Variants in FAM163B observed in about 807,000 individuals in gnomAD.
The protein encoded by FAM163B is family with sequence similarity 163 member B.
FAM163B carries 4 observed loss-of-function variants against 7.6 expected under a neutral mutation model. That is an observed-to-expected ratio of 0.52 (90% confidence interval 0.26 to 1.20). The LOEUF is 1.20. Among genes scored for constraint, FAM163B ranks in the 50% most tolerant of loss-of-function variants. FAM163B has a pLI of 0.14. For missense variants in FAM163B, 250 were observed against 243.0 expected (o/e 1.03, Z -0.19); for synonymous variants, 120 against 111.6 (o/e 1.07, Z -0.47).
At chr9:133,604,941 C>G (rs1831771815) in intron 1 of FAM163B, among the ~76,000 whole-genome samples, 1 of 152,244 alleles carries the variant, frequency 6.6e-6, no homozygotes, top group Admixed American at 6.5e-5. Flanking sequence ...CAGGGCCAGC[C>G]TGTTGCACAC....
intron 1 of FAM163B, among the ~76,000 whole-genome samples, chr9:133,602,079 G>A (rs1420970055): frequency 1.9e-5 from 2 of 102,636 alleles, no homozygotes; most frequent in South Asian, 3.5e-4. Flanking sequence ...CCTGCCCCCC[G>A]CCCCCCCAAA....
chr9:133,583,191 G>A (rs1045010513), intron 1 of FAM163B, among the ~76,000 whole-genome samples: 14 of 152,146 alleles, frequency 9.2e-5, no homozygotes, highest in Admixed American at 3.9e-4. Context: ...CCTCCACTAC[G>A]GGCCATGGCT....
chr9:133,609,192 CA>C lies in FAM163B; in HGVS notation c.-140del, dbSNP rs1831823896. Reference sequence around the variant, plus strand: ...TAGCGGCGGCCGCTCATGCCCAGGCCACGGCGGTGGCGCCTGGTGTGGCTGG... The same window carrying C: ...TAGCGGCGGCCGCTCATGCCCAGGCCCGGCGGTGGCGCCTGGTGTGGCTGG... On this transcript the variant is annotated 5_prime_UTR_variant, in exon 1 of 3. Coordinates refer to ENST00000673969, the MANE Select transcript of FAM163B (RefSeq NM_001080515.3). Among the ~76,000 whole-genome samples, 1 of 151,754 alleles carries C rather than the reference CA, an allele frequency of 6.6e-6. No individual in the cohort carries two copies. Among genetic ancestry groups the C allele is most frequent in the African/African-American group, 2.4e-5 (1 of 41,408 alleles).
chr9:133,579,406 C>G lies in FAM163B; in HGVS notation c.117G>C (p.Glu39Asp), dbSNP rs910464263. ...RLQYYCCKKD[E>D]SEEDEEEPDF... is the part of the protein sequence containing the mutation. ...CTGGTTCCTCCTCGTCCTCCTCCGA[C>G]TCGTCCTTCTTGCAGCAGTAGTACT... Residue 39 changes from glutamate (E) to aspartate (D), a missense_variant, in exon 3 of 3, where the codon GAG becomes GAC. By Grantham distance (45) the Glu-to-Asp change is conservative (BLOSUM62 2). Coordinates refer to ENST00000673969, the MANE Select transcript of FAM163B (RefSeq NM_001080515.3). The G allele has an allele frequency of 3.1e-6, 5 of 1,606,032 alleles. No homozygotes were observed. The highest frequency in any genetic ancestry group is 1.3e-5 in the African/African-American group (1 of 74,874).
intron 1 of FAM163B, among the ~76,000 whole-genome samples, chr9:133,596,140 G>A (rs1344650179): frequency 6.6e-6 from 1 of 152,132 alleles, no homozygotes; most frequent in Non-Finnish European, 1.5e-5. Flanking sequence ...GGAGAGAAGG[G>A]GATGGGGGGA....
intron 1 of FAM163B, among the ~76,000 whole-genome samples, chr9:133,587,373 G>A (rs900813224): frequency 1.2e-4 from 19 of 152,198 alleles, no homozygotes; most frequent in African/African-American, 4.1e-4. Context: ...CCATAAGCAG[G>A]AAGCACGAAG....
In FAM163B at chr9:133,580,156, G is replaced by A. The variant is rs1831334486; in HGVS notation, c.68C>T (p.Ala23Val). ...CTGGAGCCGGCAGTAGCACAGAACAGCGATGATGCAGAGCAAAATCACAGT... is the reference window on the plus strand; with the variant it reads ...CTGGAGCCGGCAGTAGCACAGAACAACGATGATGCAGAGCAAAATCACAGT... ...LATVILLCII[A>V]VLCYCRLQYY... Residue 23 changes from alanine (A) to valine (V), a missense_variant, in exon 2 of 3, where the codon GCT (alanine) becomes GTT (valine). Ala to Val is a moderately conservative substitution (Grantham distance 64). Transcript: ENST00000673969. 6.2e-7 allele frequency: 1 copy of A among 1,612,916 alleles called. No individual in the cohort carries two copies. The highest frequency in any genetic ancestry group is 1.1e-5 in the South Asian group (1 of 91,086).
intron 1 of FAM163B, among the ~76,000 whole-genome samples, chr9:133,582,094 C>T (rs1204624024): frequency 1.3e-5 from 2 of 152,186 alleles, no homozygotes; most frequent in Non-Finnish European, 2.9e-5. Context: ...TTCCATTCCT[C>T]CCTTTATCAG....
At position 133,579,047 on chromosome 9, in the gene FAM163B, C is replaced by A; in HGVS notation, c.476G>T (p.Ser159Ile). 6.4e-7 allele frequency: 1 copy of A among 1,566,806 alleles called. No homozygotes were observed. Residue 159 changes from serine (S) to isoleucine (I), a missense_variant, in exon 3 of 3, where the codon AGC (serine) becomes ATC (isoleucine). Coordinates refer to ENST00000673969, the MANE Select transcript of FAM163B (RefSeq NM_001080515.3). ...TCACACGTCGGTGCTGATGCTGCGG[C>A]TCCTGGCGAAGGCCTCCCGCATGGC... Reference protein sequence around the residue: ...LSAMREAFARSRSISTDV With the variant: ...LSAMREAFARIRSISTDV
chr9:133,596,966 C>T (rs186555776), intron 1 of FAM163B, among the ~76,000 whole-genome samples: 2 of 152,338 alleles, frequency 1.3e-5, no homozygotes, highest in East Asian at 1.9e-4. Context: ...CCTAACAAAG[C>T]TTAAAAGCAA....
At chr9:133,583,856 G>A (rs1588322973) in intron 1 of FAM163B, among the ~76,000 whole-genome samples, 3 of 152,350 alleles carry the variant, frequency 2.0e-5, no homozygotes, top group East Asian at 1.9e-4. Context: ...GAGCAGCAAC[G>A]CCCGAGACGG....
At position 133,583,235 on chromosome 9, in the gene FAM163B, G is replaced by A. The variant is rs1049103181; in HGVS notation, c.-23-2989C>T. ...ACTGCTAGGGCTTACTGATAGCAATGGGGGCCACTGCTTTCCCATAGGGAA... is the reference window on the plus strand; with the variant it reads ...ACTGCTAGGGCTTACTGATAGCAATAGGGGCCACTGCTTTCCCATAGGGAA... On this transcript the variant is annotated intron_variant, in intron 1 of 2. Coordinates refer to ENST00000673969, the MANE Select transcript of FAM163B (RefSeq NM_001080515.3). 7.2e-5 allele frequency among the ~76,000 whole-genome samples: 11 copies of A among 152,294 alleles called. No homozygotes were observed. The South Asian group carries it at 2.3e-3, about 32-fold the overall frequency.
In FAM163B at chr9:133,598,602, AGAGG is replaced by A. The variant is rs924779273; in HGVS notation, c.-24+10471_-24+10474del. Among the ~76,000 whole-genome samples the A allele has an allele frequency of 4.7e-4, 62 of 130,544 alleles. 1 individual carries two copies. The highest frequency in any genetic ancestry group is 2.6e-3 in the South Asian group (9 of 3,500). 85.6% of individuals were successfully genotyped at this position (130,544 alleles called of 152,430 possible). A position where few individuals can be genotyped will look rare whatever the true frequency, so the allele number is the denominator to read the frequency against. ...GCCAGGCACCCGCTGCTGGTGGGAG[AGAGG>A]GAGGGAGGGAGGGAGGGAGAGAGGG... On this transcript the variant is annotated intron_variant, in intron 1 of 2. Transcript: ENST00000673969.
rs1479274275 is a variant in FAM163B at position 133,606,689 on chromosome 9, G to T, written c.-24+2388C>A. On this transcript the variant is annotated intron_variant, in intron 1 of 2. Transcript: ENST00000673969. The surrounding 1 kb of genome is among the most constrained non-coding windows in gnomAD (Gnocchi z 4.0). ...CACACAGATCAGGACTTGCTACTCTGAAGAGGGAAGTGGCGGTAGGGCCAG... is the reference window on the plus strand; with the variant it reads ...CACACAGATCAGGACTTGCTACTCTTAAGAGGGAAGTGGCGGTAGGGCCAG... Among the ~76,000 whole-genome samples, 2 of 152,206 alleles carry T rather than the reference G, an allele frequency of 1.3e-5. No homozygotes were observed. Among genetic ancestry groups the T allele is most frequent in the Non-Finnish European group, 2.9e-5 (2 of 68,032 alleles).
Position 133,579,969 on chromosome 9 carries a change from G to A in FAM163B, c.93+162C>T, listed in dbSNP as rs1017349334. On this transcript the variant is annotated intron_variant, in intron 2 of 2. Transcript: ENST00000673969. ...TCAGGCGCATCTTACTGAGCCCCAT[G>A]GTAGGGTCCTGCTGCCTTCTGCTGT... Among the ~76,000 whole-genome samples the A allele has an allele frequency of 2.0e-5, 3 of 152,322 alleles. No homozygotes were observed. The East Asian group carries it at 5.8e-4, about 29-fold the overall frequency.
chr9:133,591,671 G>A (rs1010309435), intron 1 of FAM163B, among the ~76,000 whole-genome samples: 4 of 152,212 alleles, frequency 2.6e-5, no homozygotes, highest in African/African-American at 9.6e-5. Flanking sequence ...AGTGCCCAGG[G>A]GATGCTGATG....
chr9:133,602,842 G>T (rs1209036068), intron 1 of FAM163B, among the ~76,000 whole-genome samples: 2 of 152,180 alleles, frequency 1.3e-5, no homozygotes, highest in African/African-American at 4.8e-5. Flanking sequence ...AATATTGGAC[G>T]CTTTTTTCTG....
chr9:133,582,349 CATG>C (rs1831368554), intron 1 of FAM163B, among the ~76,000 whole-genome samples: 3 of 152,324 alleles, frequency 2.0e-5, no homozygotes, highest in African/African-American at 7.2e-5. Flanking sequence ...CCACTGCAGT[CATG>C]ATTCTTTTTG....
chr9:133,605,830 A>G (rs967843518), intron 1 of FAM163B, among the ~76,000 whole-genome samples: 3 of 152,168 alleles, frequency 2.0e-5, no homozygotes, highest in Non-Finnish European at 1.5e-5. Context: ...ACAAACATCC[A>G]GCCCTCAACA....
Sources: allele counts gnomAD v4.1 joint callset (sites outside exome capture counted in the v4.1 genomes callset), GRCh38; gene constraint gnomAD v4.1.1; non-coding constraint Gnocchi (gnomAD v3.1); transcripts MANE v1.5; gene names NCBI Gene and HGNC (gene_info 2026-07-23, HGNC 2026-07-21).